Variants in PRELID2 observed in about 807,000 individuals in gnomAD.
The protein encoded by PRELID2 is PRELI domain-containing protein 2.
A neutral mutation model predicts 28.4 loss-of-function variants in PRELID2; 25 were observed. That is an observed-to-expected ratio of 0.88 (90% CI 0.64 to 1.23). PRELID2 has a LOEUF of 1.23. PRELID2 is among the 50% of genes most tolerant of loss of function. PRELID2 has a pLI of 0.00. For synonymous variants in PRELID2, 76 were observed against 71.6 expected (o/e 1.06, Z -0.31); for missense variants, 201 against 214.4 (o/e 0.94, Z 0.39).
intron 1 of PRELID2, among the ~76,000 whole-genome samples, chr5:145,725,720 A>G (rs1756127263): frequency 6.6e-6 from 1 of 152,176 alleles, no homozygotes; most frequent in South Asian, 2.1e-4. Flanking sequence ...GCTTTTCAAG[A>G]GTAGGCTTCT....
intron 1 of PRELID2, among the ~76,000 whole-genome samples, chr5:145,552,528 A>G (rs999780066): frequency 1.3e-5 from 2 of 151,788 alleles, no homozygotes; most frequent in Non-Finnish European, 2.9e-5. Flanking sequence ...TTCCACCCCA[A>G]CCCCCTGCCT....
the PRELID2 span, among the ~76,000 whole-genome samples, chr5:145,289,799 A>G: frequency 3.4e-3 from 519 of 152,278 alleles, 1 homozygote; most frequent in African/African-American, 0.012. Flanking sequence ...TAGCCATTCT[A>G]CTACATGTAT....
chr5:145,318,744 G>T, the PRELID2 span, among the ~76,000 whole-genome samples: 1 of 152,186 alleles, frequency 6.6e-6, no homozygotes, highest in African/African-American at 2.4e-5. Flanking sequence ...CAATGGTTGT[G>T]TTACAGTGCT....
the PRELID2 span, among the ~76,000 whole-genome samples, chr5:145,414,721 C>T: frequency 6.6e-6 from 1 of 152,168 alleles, no homozygotes; most frequent in Admixed American, 6.6e-5. Flanking sequence ...TAAACTTTTG[C>T]TGAATTAATT....
intron 1 of PRELID2, among the ~76,000 whole-genome samples, chr5:145,572,119 CTA>C (rs1753020162): frequency 6.6e-6 from 1 of 152,174 alleles, no homozygotes. Flanking sequence ...ACACTCTCTT[CTA>C]TGGATTCCAG....
the PRELID2 span, among the ~76,000 whole-genome samples, chr5:145,294,492 T>C: frequency 6.6e-6 from 1 of 152,178 alleles, no homozygotes; most frequent in African/African-American, 2.4e-5. Context: ...TAGAAACAGT[T>C]CTACAATTCC....
the PRELID2 span, chr5:145,229,571 A>T: frequency 6.8e-7 from 1 of 1,475,922 alleles, no homozygotes; most frequent in Non-Finnish European, 9.3e-7. Context: ...GGAGCTCTTC[A>T]TGTACCTGAA....
At chr5:145,675,843 A>G (rs1754802567) in intron 1 of PRELID2, among the ~76,000 whole-genome samples, 1 of 152,238 alleles carries the variant, frequency 6.6e-6, no homozygotes, top group South Asian at 2.1e-4. Context: ...GAACTACACA[A>G]TTGTAAAGAA....
In PRELID2 at chr5:145,825,227, A is replaced by AAAAAC. The variant is rs1311971029; in HGVS notation, c.76-2094_76-2093insGTTTT. ...GGTGATAGAGTGAGACTCTGTCTCAAAAAAAAAAAAAAAAAAAAAAAAAAA... is the reference window on the plus strand; with the variant it reads ...GGTGATAGAGTGAGACTCTGTCTCAAAAAACAAAAAAAAAAAAAAAAAAAAAAAAA... On this transcript the variant is annotated intron_variant, in intron 1 of 6. Transcript: ENST00000683046. Among the ~76,000 whole-genome samples, 9 of 55,546 alleles carry AAAAAC rather than the reference A, an allele frequency of 1.6e-4. No individual in the cohort carries two copies. In the African/African-American group the frequency reaches 2.0e-3, roughly 12 times the overall value. The allele number at this position is 55,546 out of a possible 152,430, so 36.4% of individuals were successfully genotyped here. A position where few individuals can be genotyped will look rare whatever the true frequency, so the allele number is the denominator to read the frequency against.
At chr5:145,326,961 A>G in the PRELID2 span, among the ~76,000 whole-genome samples, 1 of 151,830 alleles carries the variant, frequency 6.6e-6, no homozygotes, top group African/African-American at 2.4e-5. Context: ...GTTGGGTCGT[A>G]ATCCCAAAAG....
chr5:145,233,436 T>C, the PRELID2 span, among the ~76,000 whole-genome samples: 4 of 152,106 alleles, frequency 2.6e-5, no homozygotes, highest in Non-Finnish European at 4.4e-5. Context: ...ACCTTTTTCA[T>C]GAGGCTATTG....
the PRELID2 span, among the ~76,000 whole-genome samples, chr5:145,466,693 A>C: frequency 6.6e-6 from 1 of 152,142 alleles, no homozygotes; most frequent in Non-Finnish European, 1.5e-5. Flanking sequence ...TGGGACAAAC[A>C]TTTTGGTAAC....
the PRELID2 span, among the ~76,000 whole-genome samples, chr5:145,251,288 C>T: frequency 6.6e-6 from 1 of 152,112 alleles, no homozygotes; most frequent in South Asian, 2.1e-4. Context: ...TATTTTCCCA[C>T]TTGTGACCTC....
intron 1 of PRELID2, among the ~76,000 whole-genome samples, chr5:145,559,179 C>T (rs971334638): frequency 2.6e-5 from 4 of 151,490 alleles, no homozygotes; most frequent in Non-Finnish European, 5.9e-5. Context: ...GGCATGAACC[C>T]GGGAGGCGGA....
chr5:145,721,589 G>A (rs1175712065), intron 1 of PRELID2, among the ~76,000 whole-genome samples: 2 of 152,098 alleles, frequency 1.3e-5, no homozygotes, highest in Non-Finnish European at 2.9e-5. Flanking sequence ...AAGTGACAGA[G>A]TATAGATCAA....
At chr5:145,453,121 T>C in the PRELID2 span, among the ~76,000 whole-genome samples, 1 of 152,246 alleles carries the variant, frequency 6.6e-6, no homozygotes, top group East Asian at 1.9e-4. Flanking sequence ...CCCTGAGCTA[T>C]AGGCATATGA....
At chr5:145,726,143 T>C (rs1039199002) in intron 1 of PRELID2, among the ~76,000 whole-genome samples, 2 of 149,284 alleles carry the variant, frequency 1.3e-5, no homozygotes, top group African/African-American at 4.9e-5. Context: ...CACTCTAGCC[T>C]GGCTGACAGA....
intron 1 of PRELID2, among the ~76,000 whole-genome samples, chr5:145,602,124 T>C (rs948541559): frequency 1.2e-4 from 18 of 152,300 alleles, no homozygotes; most frequent in South Asian, 8.3e-4. Context: ...GGCAAAGATA[T>C]GCAGATTCTG....
At chr5:145,510,500 G>T (rs1304520052) in intron 1 of PRELID2, among the ~76,000 whole-genome samples, 1 of 152,148 alleles carries the variant, frequency 6.6e-6, no homozygotes, top group Non-Finnish European at 1.5e-5. Flanking sequence ...CAGAAACACT[G>T]ATGATGCAAT....
Sources: gnomAD v4.1 joint callset for allele counts (sites outside exome capture counted in the v4.1 genomes callset) on GRCh38, gnomAD v4.1.1 for gene constraint, MANE v1.5 for transcripts, NCBI Gene and HGNC (gene_info 2026-07-23, HGNC 2026-07-21) for gene names.